VEPH1: variants seen among roughly 807,000 people sequenced by gnomAD.
VEPH1 encodes the protein ventricular zone expressed PH domain containing 1, also known as ventricular zone-expressed PH domain-containing protein homolog 1.
In VEPH1, 80 loss-of-function variants were observed where a neutral mutation model predicts 85.2. The observed-to-expected ratio is 0.94, with a 90% CI of 0.78 to 1.13. The LOEUF is 1.13. Among genes scored for constraint, VEPH1 ranks in the 50% most tolerant of loss-of-function variants. The probability of loss-of-function intolerance (pLI) is 0.00; values close to 1 mark genes in which losing one functional copy is unlikely to be tolerated. For missense variants in VEPH1, 955 were observed against 980.5 expected (o/e 0.97, Z 0.35); for synonymous variants, 297 against 348.0 (o/e 0.85, Z 1.63).
chr3:157,408,303 C>T, intron 6 of VEPH1, among the ~76,000 whole-genome samples: 1 of 152,122 alleles, frequency 6.6e-6, no homozygotes, highest in African/African-American at 2.4e-5. Context: ...TCTCATCTTT[C>T]ACCTGCTAGA....
chr3:157,312,815 A>T (rs1247493331), intron 11 of VEPH1, among the ~76,000 whole-genome samples: 1 of 151,630 alleles, frequency 6.6e-6, no homozygotes, highest in Non-Finnish European at 1.5e-5. Flanking sequence ...CTTATTTTTT[A>T]TAGTTCTGGA....
At chr3:157,356,514 G>A (rs555724110) in intron 9 of VEPH1, among the ~76,000 whole-genome samples, 3 of 152,132 alleles carry the variant, frequency 2.0e-5, no homozygotes, top group Non-Finnish European at 4.4e-5. Flanking sequence ...AAAATCCTCC[G>A]TCACCTGAAA....
At chr3:157,382,236 G>A (rs1728862291) in intron 6 of VEPH1, among the ~76,000 whole-genome samples, 1 of 152,172 alleles carries the variant, frequency 6.6e-6, no homozygotes, top group East Asian at 1.9e-4. Flanking sequence ...GTTTAACCAA[G>A]CTAACTTTCA....
At chr3:157,481,486 A>AAAAAAAAAAAAAAAAAAAAAAAAAAAAC (rs57277738) in intron 2 of VEPH1, among the ~76,000 whole-genome samples, 1 of 79,084 alleles carries the variant, frequency 1.3e-5, no homozygotes, top group African/African-American at 4.9e-5. Flanking sequence ...AAAAAAAAAA[A>AAAAAAAAAAAAAAAAAAAAAAAAAAAAC]CAATCCTAAG....
chr3:157,392,098 TGAAA>T (rs1213207864), intron 6 of VEPH1, among the ~76,000 whole-genome samples: 2 of 152,044 alleles, frequency 1.3e-5, no homozygotes, highest in African/African-American at 4.8e-5. Context: ...AAACATGAAA[TGAAA>T]GAATGATACC....
chr3:157,473,513 T>C (rs1464292347), intron 2 of VEPH1, among the ~76,000 whole-genome samples: 2 of 152,196 alleles, frequency 1.3e-5, no homozygotes, highest in African/African-American at 2.4e-5. Flanking sequence ...ATATATCCCA[T>C]GGCTTATTAT....
rs562822210 is a variant in VEPH1 at position 157,343,630 on chromosome 3, C to T, written c.1735+19734G>A. ...GGAGCTGGTACCATTCCTTCTGAAA[C>T]TATTCCAATCAATAGAAAAAGAGGG... is the stretch of plus-strand genomic sequence containing the variant. On this transcript the variant is annotated intron_variant, in intron 9 of 13. Coordinates refer to ENST00000362010, the MANE Select transcript of VEPH1 (RefSeq NM_001167912.2). 3.3e-5 allele frequency among the ~76,000 whole-genome samples: 5 copies of T among 152,258 alleles called. No individual in the cohort carries two copies. The South Asian group carries it at 8.3e-4, about 25-fold the overall frequency.
intron 6 of VEPH1, among the ~76,000 whole-genome samples, chr3:157,383,904 CAT>C (rs1301572932): frequency 3.3e-5 from 5 of 151,676 alleles, no homozygotes; most frequent in African/African-American, 1.2e-4. Flanking sequence ...TTTTTTGCAA[CAT>C]AGACTCATTT....
chr3:157,353,089 C>T (rs1374895472), intron 9 of VEPH1, among the ~76,000 whole-genome samples: 1 of 152,070 alleles, frequency 6.6e-6, no homozygotes, highest in Non-Finnish European at 1.5e-5. Context: ...GACTGGAACC[C>T]AATTTAGATA....
intron 12 of VEPH1, among the ~76,000 whole-genome samples, chr3:157,272,371 TTTCTTTTCTTTCTTTC>T (rs1378979811): frequency 1.7e-5 from 2 of 117,078 alleles, no homozygotes; most frequent in African/African-American, 7.2e-5. Flanking sequence ...TTTCTTTCTC[TTTCTTTTCTTTCTTTC>T]TTTCTTTCTT....
intron 6 of VEPH1, chr3:157,413,584 C>T (rs1256570442): frequency 3.0e-6 from 3 of 985,216 alleles, no homozygotes; most frequent in Non-Finnish European, 3.6e-6. Flanking sequence ...TCAGGTGACA[C>T]AGCAGCAATA....
chr3:157,272,368 C>CTTT (rs1479211870), intron 12 of VEPH1, among the ~76,000 whole-genome samples: 4 of 119,990 alleles, frequency 3.3e-5, no homozygotes, highest in South Asian at 3.0e-4. Flanking sequence ...TTCTTTCTTT[C>CTTT]TCTTTCTTTT....
rs1712692565 is a variant in VEPH1 at position 157,260,095 on chromosome 3, T to C, written c.*1039A>G. The stretch of plus-strand genomic sequence containing the variant: ...CAGCTGATTAGAAACCTTATGTATA[T>C]CTGCAACTTCTCTTCACTTTTGTTA... On this transcript the variant is annotated 3_prime_UTR_variant, in exon 14 of 14. Coordinates refer to ENST00000362010, the MANE Select transcript of VEPH1 (RefSeq NM_001167912.2). 1 of 152,194 alleles carries C rather than the reference T, an allele frequency of 6.6e-6. No individual in the cohort carries two copies. The highest frequency in any genetic ancestry group is 1.5e-5 in the Non-Finnish European group (1 of 68,032). The allele number at this position is 152,194 out of a possible 1,614,324, so 9.4% of individuals were successfully genotyped here.
At chr3:157,405,247 T>A (rs1217382556) in intron 6 of VEPH1, among the ~76,000 whole-genome samples, 1 of 152,144 alleles carries the variant, frequency 6.6e-6, no homozygotes, top group East Asian at 1.9e-4. Flanking sequence ...TTGGCCCAAA[T>A]TACAGTTAAT....
intron 2 of VEPH1, among the ~76,000 whole-genome samples, chr3:157,475,080 A>T (rs888953815): frequency 4.4e-4 from 67 of 151,810 alleles, no homozygotes; most frequent in African/African-American, 1.5e-3. Flanking sequence ...CCTGGGCTCA[A>T]GGGTTCCTCC....
intron 12 of VEPH1, among the ~76,000 whole-genome samples, chr3:157,283,165 G>A (rs1716361255): frequency 6.6e-6 from 1 of 152,080 alleles, no homozygotes. Context: ...TAACATTACT[G>A]AATGATTGCT....
chr3:157,498,790 A>G (rs1739875656), intron 1 of VEPH1, among the ~76,000 whole-genome samples: 1 of 152,224 alleles, frequency 6.6e-6, no homozygotes, highest in Admixed American at 6.5e-5. Context: ...AGGGAAGGTC[A>G]AAGCCAGATC....
chr3:157,490,247 T>C (rs1045359315), intron 2 of VEPH1, among the ~76,000 whole-genome samples: 1 of 151,694 alleles, frequency 6.6e-6, no homozygotes, highest in Non-Finnish European at 1.5e-5. Flanking sequence ...CAAAGCAGTG[T>C]TAAAGAAGGG....
intron 6 of VEPH1, among the ~76,000 whole-genome samples, chr3:157,411,120 G>A (rs1236184474): frequency 1.3e-5 from 2 of 152,150 alleles, no homozygotes; most frequent in African/African-American, 4.8e-5. Flanking sequence ...CTGATGCAAT[G>A]GGTGGAGACA....
Sources: allele counts gnomAD v4.1 joint callset (sites outside exome capture counted in the v4.1 genomes callset), GRCh38; gene constraint gnomAD v4.1.1; transcripts MANE v1.5; gene names NCBI Gene and HGNC (gene_info 2026-07-23, HGNC 2026-07-21).